SCP2: variants seen among roughly 807,000 people sequenced by gnomAD.
SCP2 encodes SCP-2/3-oxoacyl-CoA thiolase.
SCP2 carries 48 observed loss-of-function variants against 71.4 expected under a neutral mutation model. The observed-to-expected ratio is 0.67, with a 90% CI of 0.53 to 0.86. SCP2 has a LOEUF of 0.86. SCP2 is among the 40% of genes least tolerant of loss of function. SCP2 has a pLI of 0.00. For synonymous variants in SCP2, 220 were observed against 218.1 expected, an observed-to-expected ratio of 1.01 and a Z score of -0.08; for missense variants, 560 against 655.6, an observed-to-expected ratio of 0.85 and a Z score of 1.59.
intron 5 of SCP2, among the ~76,000 whole-genome samples, chr1:52,961,152 T>C (rs549730030): frequency 7.3e-5 from 11 of 151,104 alleles, no homozygotes; most frequent in Non-Finnish European, 1.5e-4. Context: ...TACGTATGCA[T>C]GTGCCATGTT....
intron 12 of SCP2, among the ~76,000 whole-genome samples, chr1:53,018,894 G>A (rs1489921534): frequency 5.3e-5 from 8 of 152,088 alleles, no homozygotes; most frequent in Admixed American, 1.3e-4. Flanking sequence ...CCCTAAAAAT[G>A]CATTTAGCTG....
At chr1:53,043,343 A>G (rs1393375639) in intron 14 of SCP2, among the ~76,000 whole-genome samples, 1 of 152,238 alleles carries the variant, frequency 6.6e-6, no homozygotes, top group Non-Finnish European at 1.5e-5. Context: ...TATGTTAAAC[A>G]TTAATTTTGC....
chr1:53,042,468 G>A (rs1027622853), intron 14 of SCP2, among the ~76,000 whole-genome samples: 3 of 152,180 alleles, frequency 2.0e-5, no homozygotes, highest in South Asian at 4.2e-4. Flanking sequence ...CTCCAGATAC[G>A]TTCTTGCCAT....
chr1:53,020,504 G>T (rs1187673311), intron 12 of SCP2, among the ~76,000 whole-genome samples: 8 of 151,966 alleles, frequency 5.3e-5, no homozygotes, highest in African/African-American at 1.9e-4. Context: ...TTGCTATGTT[G>T]CCCAGGCTGG....
At chr1:53,000,334 T>C (rs912466646) in intron 11 of SCP2, among the ~76,000 whole-genome samples, 12 of 151,942 alleles carry the variant, frequency 7.9e-5, no homozygotes, top group Non-Finnish European at 1.3e-4. Flanking sequence ...AAAAAATCCA[T>C]ATTAATGTCT....
intron 13 of SCP2, 104 bp from the exon 14 acceptor site, chr1:53,038,813 T>C: frequency 6.9e-7 from 1 of 1,455,794 alleles, no homozygotes; most frequent in South Asian, 1.2e-5. Flanking sequence ...GACCGCTCCC[T>C]GGCCCGTATA....
chr1:52,964,741 G>A (rs1195994886), intron 6 of SCP2, among the ~76,000 whole-genome samples: 2 of 151,962 alleles, frequency 1.3e-5, no homozygotes, highest in African/African-American at 2.4e-5. Context: ...AAGGCTGGGT[G>A]CTGTGGCTCA....
At chr1:52,949,606 T>A (rs1305866796) in intron 3 of SCP2, among the ~76,000 whole-genome samples, 2 of 152,170 alleles carry the variant, frequency 1.3e-5, no homozygotes, top group Non-Finnish European at 2.9e-5. Context: ...TTGTCCTGAT[T>A]GGCTAGCAAC....
rs963041350 is a variant in SCP2 at position 52,994,807 on chromosome 1, C to A, written c.1081+6671C>A. On this transcript the variant is annotated intron_variant, in intron 11 of 15. Transcript: ENST00000371514. ...GTGCTGGGATGTGATCAGTGATGAA[C>A]GTGAAATCGACCCCACCAGCACCTA... The A allele has an allele frequency of 9.3e-6, 5 of 535,882 alleles. No individual in the cohort carries two copies. In the East Asian group the frequency reaches 1.9e-4, roughly 21 times the overall value. 33.2% of individuals were successfully genotyped at this position (535,882 alleles called of 1,614,324 possible). A position where few individuals can be genotyped will look rare whatever the true frequency, so the allele number is the denominator to read the frequency against.
intron 6 of SCP2, among the ~76,000 whole-genome samples, chr1:52,962,830 A>T (rs1306385064): frequency 6.6e-6 from 1 of 151,982 alleles, no homozygotes; most frequent in Non-Finnish European, 1.5e-5. Context: ...TTATCATTTT[A>T]TATGGCACCT....
intron 6 of SCP2, among the ~76,000 whole-genome samples, chr1:52,967,861 G>A (rs901499044): frequency 6.6e-6 from 1 of 152,088 alleles, no homozygotes; most frequent in Admixed American, 6.6e-5. Context: ...TAATCACAAG[G>A]AACACTGTGC....
At chr1:52,955,516 G>T (rs1655715301) in intron 5 of SCP2, among the ~76,000 whole-genome samples, 1 of 151,490 alleles carries the variant, frequency 6.6e-6, no homozygotes, top group Non-Finnish European at 1.5e-5. Flanking sequence ...TAAAACAGGG[G>T]AGGAAAAAAA....
At chr1:52,944,634 ATTACT>A (rs146923760) in intron 2 of SCP2, among the ~76,000 whole-genome samples, 99 of 152,192 alleles carry the variant, frequency 6.5e-4, no homozygotes, top group African/African-American at 2.3e-3. Context: ...AAAATTTGAA[ATTACT>A]TTAGTGTGTG....
chr1:53,026,545 C>T (rs1259883654), intron 12 of SCP2, among the ~76,000 whole-genome samples: 1 of 151,270 alleles, frequency 6.6e-6, no homozygotes, highest in Admixed American at 6.6e-5. Context: ...CAGTGGCTCA[C>T]ATCTGTAATC....
At chr1:52,934,702 TC>T (rs1217223121) in intron 1 of SCP2, among the ~76,000 whole-genome samples, 1 of 134,946 alleles carries the variant, frequency 7.4e-6, no homozygotes, top group Non-Finnish European at 1.5e-5. Flanking sequence ...AAGCTCCACC[TC>T]CTGGGTTCAC....
At chr1:53,014,855 G>C (rs1297333787) in intron 11 of SCP2, 35 bp from the exon 12 acceptor site, 1 of 1,610,438 alleles carries the variant, frequency 6.2e-7, no homozygotes, top group South Asian at 1.1e-5. Flanking sequence ...GAAAGCTGGT[G>C]GAAGCAGCTC....
chr1:52,986,079 T>C (rs1326024859), intron 10 of SCP2, among the ~76,000 whole-genome samples: 3 of 152,222 alleles, frequency 2.0e-5, no homozygotes, highest in African/African-American at 7.2e-5. Context: ...TATCCATAAG[T>C]TCCTAGTTTA....
At chr1:52,974,681 T>C in intron 6 of SCP2, 88 bp from the exon 7 acceptor site, 2 of 786,068 alleles carry the variant, frequency 2.5e-6, no homozygotes, top group Non-Finnish European at 4.7e-6. Flanking sequence ...ATGGAGATAT[T>C]TAGCAGAACA....
At chr1:52,951,305 A>G (rs1655277967) in intron 4 of SCP2, among the ~76,000 whole-genome samples, 1 of 151,882 alleles carries the variant, frequency 6.6e-6, no homozygotes, top group African/African-American at 2.4e-5. Flanking sequence ...AAAAAACAAA[A>G]AAAAGGCTTT....
Sources: allele counts gnomAD v4.1 joint callset (sites outside exome capture counted in the v4.1 genomes callset), GRCh38; gene constraint gnomAD v4.1.1; transcripts MANE v1.5; gene names NCBI Gene and HGNC (gene_info 2026-07-23, HGNC 2026-07-21).